CORIN: variants seen among roughly 807,000 people sequenced by gnomAD.
CORIN encodes atrial natriuretic peptide-converting enzyme.
A neutral mutation model predicts 125.3 loss-of-function variants in CORIN; 117 were observed. The observed-to-expected ratio is 0.93, with a 90% CI of 0.80 to 1.09. CORIN has a LOEUF of 1.09. CORIN is among the 50% of genes least tolerant of loss of function. The probability of loss-of-function intolerance (pLI) is 0.00; values close to 1 mark genes in which losing one functional copy is unlikely to be tolerated. For missense variants in CORIN, 1,253 were observed against 1,306.7 expected (o/e 0.96, Z 0.63); for synonymous variants, 450 against 466.4 (o/e 0.96, Z 0.45).
intron 3 of CORIN, among the ~76,000 whole-genome samples, chr4:47,780,023 T>C (rs780275634): frequency 6.6e-6 from 1 of 152,212 alleles, no homozygotes; most frequent in Non-Finnish European, 1.5e-5. Flanking sequence ...ATAAAGTGAA[T>C]TCCCATTATT....
At chr4:47,809,666 A>G (rs1488946324) in intron 1 of CORIN, among the ~76,000 whole-genome samples, 1 of 152,138 alleles carries the variant, frequency 6.6e-6, no homozygotes, top group Non-Finnish European at 1.5e-5. Flanking sequence ...TCGGCCTCCT[A>G]AAGTGCTGGG....
rs114213960 is a variant in CORIN, at chr4:47,643,764, C to T, written c.1958-508G>A. ...TGATTGCCTACTTAACAACCATTTC[C>T]TTTCTCCCTCCTTTCTTTAAGGGAG... On this transcript the variant is annotated intron_variant, in intron 14 of 21. Coordinates refer to ENST00000273857, the MANE Select transcript of CORIN (RefSeq NM_006587.4). Among the ~76,000 whole-genome samples the T allele has an allele frequency of 9.4e-3, 1,431 of 152,148 alleles. 8 individuals are homozygous for T. The highest frequency in any genetic ancestry group is 0.015 in the Non-Finnish European group (1,016 of 67,994).
At chr4:47,687,860 T>G (rs4271984) in intron 6 of CORIN, among the ~76,000 whole-genome samples, 69,337 of 152,022 alleles carry the variant, frequency 0.46, 17,836 homozygotes, top group Non-Finnish European at 0.59. Context: ...GCTTCTTGAC[T>G]CTCTGAGTTC....
At chr4:47,623,096 C>CTCTCTATATATATATA (rs771867590) in intron 19 of CORIN, among the ~76,000 whole-genome samples, 10 of 102,294 alleles carry the variant, frequency 9.8e-5, no homozygotes, top group Middle Eastern at 5.2e-3. Flanking sequence ...CTCTCTCTCT[C>CTCTCTATATATATATA]TATATATATA....
At chr4:47,787,506 T>C (rs1730871921) in intron 2 of CORIN, among the ~76,000 whole-genome samples, 1 of 145,516 alleles carries the variant, frequency 6.9e-6, no homozygotes, top group South Asian at 2.1e-4. Flanking sequence ...ACTTGTATCA[T>C]AGGAACCAAA....
At chr4:47,823,675 A>G (rs1012780534) in intron 1 of CORIN, among the ~76,000 whole-genome samples, 8 of 152,194 alleles carry the variant, frequency 5.3e-5, no homozygotes, top group African/African-American at 1.9e-4. Context: ...TACTTTCTAT[A>G]CTTTTAACCC....
At chr4:47,724,257 A>G (rs1484059631) in intron 5 of CORIN, among the ~76,000 whole-genome samples, 4 of 152,188 alleles carry the variant, frequency 2.6e-5, no homozygotes, top group Non-Finnish European at 4.4e-5. Flanking sequence ...TTTTTAAAAG[A>G]CACTGAAATT....
chr4:47,601,036 A>G (rs968138860), intron 20 of CORIN, among the ~76,000 whole-genome samples: 1 of 152,144 alleles, frequency 6.6e-6, no homozygotes, highest in Non-Finnish European at 1.5e-5. Context: ...AATTATACAC[A>G]CTGTTCTTCT....
At chr4:47,811,005 T>G (rs953899083) in intron 1 of CORIN, among the ~76,000 whole-genome samples, 9 of 152,202 alleles carry the variant, frequency 5.9e-5, no homozygotes, top group African/African-American at 2.2e-4. Context: ...TGTCAGGCAT[T>G]GTTTGGGCAC....
At chr4:47,674,523 A>G (rs1399978934) in intron 9 of CORIN, 23 bp from the exon 10 acceptor site, 1 of 1,410,518 alleles carries the variant, frequency 7.1e-7, no homozygotes, top group Non-Finnish European at 1.0e-6. Flanking sequence ...GAAAAGGCAC[A>G]TTGGCTTTCA....
intron 19 of CORIN, among the ~76,000 whole-genome samples, chr4:47,616,980 TCCAC>T (rs1722089931): frequency 1.3e-5 from 2 of 152,172 alleles, no homozygotes; most frequent in Non-Finnish European, 2.9e-5. Flanking sequence ...AGACATGTCC[TCCAC>T]CATACTCAAG....
chr4:47,761,944 A>G (rs1729480825), intron 4 of CORIN, among the ~76,000 whole-genome samples: 1 of 152,144 alleles, frequency 6.6e-6, no homozygotes, highest in Admixed American at 6.5e-5. Context: ...CAGCCTGGAC[A>G]ATATAGCGAC....
At position 47,657,303 on chromosome 4, in the gene CORIN, G is replaced by A. The variant is rs141003174; in HGVS notation, c.1736-3643C>T. ...AATCCCAGCACTTTGGGAGGCCAAG[G>A]TGGGTGGATCATGAGGTCAGGAGAT... On this transcript the variant is annotated intron_variant, in intron 12 of 21. Transcript: ENST00000273857. Among the ~76,000 whole-genome samples, 51 of 152,238 alleles carry A rather than the reference G, an allele frequency of 3.4e-4. No individual in the cohort carries two copies. In the East Asian group the frequency reaches 8.9e-3, roughly 26 times the overall value.
intron 19 of CORIN, among the ~76,000 whole-genome samples, chr4:47,612,189 T>G (rs968772592): frequency 5.3e-5 from 8 of 152,136 alleles, no homozygotes; most frequent in Admixed American, 5.2e-4. Context: ...ATCTGGTGAA[T>G]AGACTTTAGA....
At chr4:47,808,451 T>C (rs562521710) in intron 1 of CORIN, among the ~76,000 whole-genome samples, 2 of 152,366 alleles carry the variant, frequency 1.3e-5, no homozygotes, top group South Asian at 4.1e-4. Flanking sequence ...TTCCCATTTC[T>C]GCTTTATTCT....
At chr4:47,648,809 C>T (rs1165702304) in intron 13 of CORIN, among the ~76,000 whole-genome samples, 1 of 152,290 alleles carries the variant, frequency 6.6e-6, no homozygotes, top group Admixed American at 6.5e-5. Context: ...AAGGCTGGAA[C>T]AGTCTGGATC....
intron 12 of CORIN, among the ~76,000 whole-genome samples, chr4:47,658,997 G>C (rs1560493223): frequency 6.6e-6 from 1 of 152,162 alleles, no homozygotes; most frequent in Admixed American, 6.5e-5. Context: ...TCTTTCATCA[G>C]ATACCCTAAA....
chr4:47,708,580 C>T (rs1726687668), intron 5 of CORIN, among the ~76,000 whole-genome samples: 1 of 152,052 alleles, frequency 6.6e-6, no homozygotes, highest in South Asian at 2.1e-4. Flanking sequence ...CATTATTCTC[C>T]CTACCACAGG....
intron 19 of CORIN, among the ~76,000 whole-genome samples, chr4:47,607,325 G>A (rs550650420): frequency 4.0e-5 from 6 of 151,598 alleles, no homozygotes; most frequent in Non-Finnish European, 7.4e-5. Context: ...GGAGAATGGC[G>A]TGAACCCGGG....
Sources: gnomAD v4.1 joint callset for allele counts (sites outside exome capture counted in the v4.1 genomes callset) on GRCh38, gnomAD v4.1.1 for gene constraint, MANE v1.5 for transcripts, NCBI Gene and HGNC (gene_info 2026-07-23, HGNC 2026-07-21) for gene names.